Variants in MID1 observed in about 807,000 individuals in gnomAD.
MID1 encodes the protein E3 ubiquitin-protein ligase Midline-1.
MID1 carries 7 observed loss-of-function variants against 40.4 expected under a neutral mutation model. The observed-to-expected ratio is 0.17, with a 90% CI of 0.10 to 0.33. The LOEUF (loss-of-function observed/expected upper bound fraction) is 0.33, where lower values mean the gene tolerates loss of function less well. Ranked by LOEUF, MID1 falls within the 10% of genes least tolerant of loss-of-function variation. The probability of loss-of-function intolerance (pLI) is 1.00; values close to 1 mark genes in which losing one functional copy is unlikely to be tolerated. For synonymous variants in MID1, 229 were observed against 221.2 expected (o/e 1.04, Z -0.31); for missense variants, 367 against 558.5 (o/e 0.66, Z 3.46).
intron 2 of MID1, among the ~76,000 whole-genome samples, chrX:10,552,025 A>C (rs778192873): frequency 9.0e-6 from 1 of 110,850 alleles, no homozygotes; most frequent in African/African-American, 3.3e-5. Flanking sequence ...CCTGGGCTCA[A>C]GCGATTCTCC....
At chrX:10,661,318 C>CTTT (rs113834216) in intron 1 of MID1, among the ~76,000 whole-genome samples, 1,449 of 102,622 alleles carry the variant, frequency 0.014, 36 homozygotes, top group African/African-American at 0.046. Flanking sequence ...CCAACTATTT[C>CTTT]TTTTTTTTTT....
chrX:10,447,983 C>T lies in MID1; in HGVS notation c.*1385G>A, dbSNP rs1928108971. ...CCCTTCATCAAACTAGAACCAATGC[C>T]AGAGTTCTGGGCCAAGAACTGCTCA... is the stretch of plus-strand genomic sequence containing the variant. On this transcript the variant is annotated 3_prime_UTR_variant, in exon 10 of 10. Transcript: ENST00000317552. 8.9e-6 allele frequency: 1 copy of T among 112,214 alleles called. No individual in the cohort carries two copies. The highest frequency in any genetic ancestry group is 1.9e-5 in the Non-Finnish European group (1 of 53,250). The allele number at this position is 112,214 out of a possible 1,213,427, so 9.2% of individuals were successfully genotyped here.
intron 1 of MID1, among the ~76,000 whole-genome samples, chrX:10,773,646 T>C (rs139729221): frequency 6.2e-5 from 7 of 112,482 alleles, no homozygotes; most frequent in African/African-American, 2.3e-4. Context: ...TTTATCTTGT[T>C]TTGTAAATTA....
intron 1 of MID1, among the ~76,000 whole-genome samples, chrX:10,811,270 C>T (rs547949850): frequency 3.6e-5 from 4 of 112,168 alleles, no homozygotes; most frequent in East Asian, 5.6e-4. Context: ...GAGTGCAGTT[C>T]GGGTTGCTGC....
chrX:10,633,546 G>C (rs1299850969), intron 1 of MID1, among the ~76,000 whole-genome samples: 1 of 110,500 alleles, frequency 9.0e-6, no homozygotes. Context: ...CAACCTCCCA[G>C]GCCCAAGCAA....
intron 1 of MID1, among the ~76,000 whole-genome samples, chrX:10,656,035 G>T (rs984578753): frequency 8.9e-6 from 1 of 111,924 alleles, no homozygotes; most frequent in Non-Finnish European, 1.9e-5. Flanking sequence ...GTTATGCAGC[G>T]CTGGATAACT....
At chrX:10,450,266 C>A (rs1414149809) in intron 9 of MID1, among the ~76,000 whole-genome samples, 3 of 112,374 alleles carry the variant, frequency 2.7e-5, no homozygotes, top group Non-Finnish European at 3.8e-5. Flanking sequence ...CTAGACTTCT[C>A]CTTTTGACCT....
At chrX:10,739,660 G>T (rs2043509084) in intron 1 of MID1, among the ~76,000 whole-genome samples, 1 of 112,272 alleles carries the variant, frequency 8.9e-6, no homozygotes, top group Non-Finnish European at 1.9e-5. Context: ...TGGGTGGAAT[G>T]TGGAGGTTAC....
At chrX:10,647,787 G>A (rs962668040) in intron 1 of MID1, among the ~76,000 whole-genome samples, 1 of 111,376 alleles carries the variant, frequency 9.0e-6, no homozygotes. Context: ...ATCTCTGAGC[G>A]TCAGAATCAT....
chrX:10,492,059 G>A, intron 4 of MID1, among the ~76,000 whole-genome samples: 2 of 111,547 alleles, frequency 1.8e-5, no homozygotes, highest in East Asian at 5.6e-4. Flanking sequence ...CTCCAAAACT[G>A]CTAATTTGTT....
Position 10,460,492 on chromosome X carries a change from C to A in MID1, c.1286-685G>T, listed in dbSNP as rs1047163144. Among the ~76,000 whole-genome samples, 4 of 111,618 alleles carry A rather than the reference C, an allele frequency of 3.6e-5. No individual in the cohort carries two copies. The Admixed American group carries it at 3.8e-4, about 11-fold the overall frequency. On this transcript the variant is annotated intron_variant, in intron 7 of 9. Transcript: ENST00000317552. ...GAATATGTAGGAAAAGGAAGCCCAT[C>A]TTGTTTTGCAGCTGGTTGATGGCTG...
chrX:10,697,336 C>T (rs1354693883), intron 1 of MID1, among the ~76,000 whole-genome samples: 1 of 111,577 alleles, frequency 9.0e-6, no homozygotes, highest in East Asian at 2.8e-4. Context: ...CAGAATGCCT[C>T]AGAGGATGTT....
chrX:10,511,957 C>T (rs1163838462), intron 3 of MID1, among the ~76,000 whole-genome samples: 2 of 112,108 alleles, frequency 1.8e-5, no homozygotes, highest in East Asian at 2.8e-4. Context: ...TTCCTCTTCT[C>T]GCGTCATGTC....
At chrX:10,461,394 GC>G (rs944103082) in intron 7 of MID1, among the ~76,000 whole-genome samples, 1 of 110,504 alleles carries the variant, frequency 9.0e-6, no homozygotes, top group African/African-American at 3.3e-5. Context: ...CTAATTCTTA[GC>G]CCTCTGTTTT....
chrX:10,809,028 T>C (rs893733127), intron 1 of MID1, among the ~76,000 whole-genome samples: 3 of 111,840 alleles, frequency 2.7e-5, no homozygotes, highest in Admixed American at 1.9e-4. Context: ...AATCTACTCA[T>C]CTGACAAAGG....
intron 2 of MID1, among the ~76,000 whole-genome samples, chrX:10,533,427 G>GAAAC (rs1933106457): frequency 1.1e-5 from 1 of 88,504 alleles, no homozygotes; most frequent in Non-Finnish European, 2.2e-5. Flanking sequence ...AAGAAAGAAA[G>GAAAC]AAAGAAAGAG....
intron 1 of MID1, among the ~76,000 whole-genome samples, chrX:10,718,883 C>G (rs1016740845): frequency 2.1e-4 from 24 of 111,889 alleles, no homozygotes; most frequent in African/African-American, 6.8e-4. Context: ...GGATGCAAGG[C>G]AGGTTCAACA....
chrX:10,470,109 C>A (rs1182514023), intron 6 of MID1, among the ~76,000 whole-genome samples: 1 of 112,278 alleles, frequency 8.9e-6, no homozygotes, highest in Non-Finnish European at 1.9e-5. Context: ...ACAAATAATA[C>A]TTTCTTGTGC....
chrX:10,721,546 T>A (rs1205436012), intron 1 of MID1, among the ~76,000 whole-genome samples: 1 of 110,693 alleles, frequency 9.0e-6, no homozygotes, highest in African/African-American at 3.3e-5. Context: ...TCAGTAACAT[T>A]CAACTATCAA....
Sources: allele counts gnomAD v4.1 joint callset (sites outside exome capture counted in the v4.1 genomes callset), GRCh38; gene constraint gnomAD v4.1.1; transcripts MANE v1.5; gene names NCBI Gene and HGNC (gene_info 2026-07-23, HGNC 2026-07-21).